The following TMTC1 variants were observed in gnomAD, a reference collection of about 807,000 sequenced individuals.
TMTC1 encodes the protein protein O-mannosyl-transferase TMTC1.
Under a neutral mutation model 104.8 loss-of-function variants are expected in TMTC1, and 73 were observed. That is an observed-to-expected ratio of 0.70 (90% CI 0.58 to 0.85). The LOEUF is 0.85. TMTC1 is among the 40% of genes least tolerant of loss of function. The probability of loss-of-function intolerance (pLI) is 0.00; values close to 1 mark genes in which losing one functional copy is unlikely to be tolerated. For missense variants in TMTC1, 1,035 were observed against 1,096.1 expected (o/e 0.94, Z 0.79); for synonymous variants, 434 against 428.7 (o/e 1.01, Z -0.15).
intron 11 of TMTC1, among the ~76,000 whole-genome samples, chr12:29,525,655 T>C (rs1389597363): frequency 1.3e-5 from 2 of 152,028 alleles, no homozygotes; most frequent in Non-Finnish European, 2.9e-5. Context: ...CATTTAGTCA[T>C]ATCAGAGTTT....
chr12:29,621,597 G>A (rs1038540744), intron 6 of TMTC1, among the ~76,000 whole-genome samples: 1 of 152,196 alleles, frequency 6.6e-6, no homozygotes, highest in Non-Finnish European at 1.5e-5. Flanking sequence ...ATGAGGTGAG[G>A]ATGCCAATAT....
chr12:29,764,658 G>A (rs1286920742), intron 2 of TMTC1, among the ~76,000 whole-genome samples: 1 of 151,830 alleles, frequency 6.6e-6, no homozygotes, highest in Non-Finnish European at 1.5e-5. Context: ...AAATTGTTTT[G>A]TAGGCTAAAT....
intron 5 of TMTC1, among the ~76,000 whole-genome samples, chr12:29,740,977 CA>C (rs1482175169): frequency 1.3e-5 from 2 of 152,110 alleles, no homozygotes; most frequent in African/African-American, 4.8e-5. Context: ...ATTGTTTAAA[CA>C]AACTTTTAAA....
At chr12:29,769,100 G>A (rs887448663) in intron 1 of TMTC1, among the ~76,000 whole-genome samples, 4 of 152,026 alleles carry the variant, frequency 2.6e-5, no homozygotes, top group African/African-American at 9.7e-5. Context: ...GCTCTTCTTT[G>A]CCAAAACAAC....
intron 4 of TMTC1, among the ~76,000 whole-genome samples, chr12:29,752,957 A>T (rs1472791798): frequency 6.6e-6 from 1 of 152,224 alleles, no homozygotes; most frequent in Non-Finnish European, 1.5e-5. Context: ...TAAAAAAGAA[A>T]GATAATTTTC....
rs371107912 is a variant in TMTC1 at position 29,644,111 on chromosome 12, ATGTGTGTGTGTGTG to A, written c.939-10789_939-10776del. The stretch of plus-strand genomic sequence containing the variant: ...TATAAATATAAATATATAAATATAT[ATGTGTGTGTGTGTG>A]TGTGTGTGTGTGTGTGTGTGTGTGT... On this transcript the variant is annotated intron_variant, in intron 5 of 17. Transcript: ENST00000539277. 1.8e-3 allele frequency among the ~76,000 whole-genome samples: 134 copies of A among 74,434 alleles called. 6 individuals are homozygous for A. Among genetic ancestry groups the A allele is most frequent in the East Asian group, 0.018 (60 of 3,370 alleles). The allele number at this position is 74,434 out of a possible 152,430, so 48.8% of individuals were successfully genotyped here.
upstream of TMTC1, chr12:29,783,948 T>TC (rs1809198873): frequency 1.5e-5 from 4 of 272,292 alleles, no homozygotes; most frequent in Admixed American, 1.8e-4. The surrounding 1 kb of genome is among the most constrained non-coding windows in gnomAD (Gnocchi z 4.7). Flanking sequence ...TAAACAGCAG[T>TC]CCCCCCGCCT....
rs900248588 is a variant in TMTC1 at position 29,596,956 on chromosome 12, T to C, written c.1250+7222A>G. On this transcript the variant is annotated intron_variant, in intron 7 of 17. Transcript: ENST00000539277. The stretch of plus-strand genomic sequence containing the variant: ...CACTCACCCTCTGGGACAGTCTGAC[T>C]GTGGTCTGAGGCCCCTGCTTAGATA... 3.3e-5 allele frequency among the ~76,000 whole-genome samples: 5 copies of C among 152,228 alleles called. No homozygotes were observed. In the East Asian group the frequency reaches 9.6e-4, roughly 29 times the overall value.
chr12:29,670,108 T>C (rs1268612313), intron 5 of TMTC1, among the ~76,000 whole-genome samples: 1 of 152,254 alleles, frequency 6.6e-6, no homozygotes, highest in Non-Finnish European at 1.5e-5. Context: ...TACACATTTG[T>C]GTAAGTGCAC....
At chr12:29,660,637 G>A (rs932334944) in intron 5 of TMTC1, among the ~76,000 whole-genome samples, 3 of 152,044 alleles carry the variant, frequency 2.0e-5, no homozygotes, top group Non-Finnish European at 4.4e-5. Context: ...ACCTTTGGAC[G>A]CTTTGTAACA....
chr12:29,517,726 T>C (rs1944029084), intron 13 of TMTC1, among the ~76,000 whole-genome samples, 155 bp from the exon 14 acceptor site: 1 of 151,996 alleles, frequency 6.6e-6, no homozygotes, highest in Non-Finnish European at 1.5e-5. Flanking sequence ...GGCTTTTTCT[T>C]TTTTTTTGAG....
intron 5 of TMTC1, among the ~76,000 whole-genome samples, chr12:29,666,465 C>T (rs998896700): frequency 6.6e-6 from 1 of 151,864 alleles, no homozygotes; most frequent in African/African-American, 2.4e-5. Context: ...GATCTCCTGA[C>T]CTCGTGATCC....
At chr12:29,748,086 T>C (rs1411547136) in intron 5 of TMTC1, among the ~76,000 whole-genome samples, 1 of 152,186 alleles carries the variant, frequency 6.6e-6, no homozygotes, top group Non-Finnish European at 1.5e-5. Context: ...TTTTGTTTTT[T>C]GTTTTCCAAA....
At chr12:29,558,706 T>C (rs1945307040) in intron 9 of TMTC1, among the ~76,000 whole-genome samples, 1 of 152,206 alleles carries the variant, frequency 6.6e-6, no homozygotes. Context: ...CGCGCTGTTG[T>C]TTGCTTCTCT....
intron 5 of TMTC1, among the ~76,000 whole-genome samples, chr12:29,745,633 A>AG (rs1942935639): frequency 6.6e-6 from 1 of 151,586 alleles, no homozygotes; most frequent in Non-Finnish European, 1.5e-5. Context: ...AAAAAAAAAA[A>AG]AAAAAAGAAA....
chr12:29,630,987 T>C (rs1938266487), intron 6 of TMTC1, among the ~76,000 whole-genome samples: 1 of 152,248 alleles, frequency 6.6e-6, no homozygotes, highest in Non-Finnish European at 1.5e-5. Context: ...GTGGATTTAA[T>C]TTGAAGTTCT....
At chr12:29,654,784 G>C (rs1348270457) in intron 5 of TMTC1, among the ~76,000 whole-genome samples, 1 of 151,902 alleles carries the variant, frequency 6.6e-6, no homozygotes, top group East Asian at 1.9e-4. Flanking sequence ...GAATAAAAAG[G>C]AATCAAGTAT....
intron 5 of TMTC1, among the ~76,000 whole-genome samples, chr12:29,638,900 T>A (rs893429927): frequency 6.6e-6 from 1 of 152,194 alleles, no homozygotes; most frequent in Non-Finnish European, 1.5e-5. Flanking sequence ...TGAATTACCA[T>A]TGATGTTTCA....
chr12:29,516,016 T>G (rs1370227785), intron 15 of TMTC1, among the ~76,000 whole-genome samples: 2 of 151,508 alleles, frequency 1.3e-5, no homozygotes, highest in Non-Finnish European at 1.5e-5. Flanking sequence ...ATGGTTGTTA[T>G]GAGGATTACA....
Sources: gnomAD v4.1 joint callset for allele counts (sites outside exome capture counted in the v4.1 genomes callset) on GRCh38, gnomAD v4.1.1 for gene constraint, Gnocchi (gnomAD v3.1) non-coding constraint, MANE v1.5 for transcripts, NCBI Gene and HGNC (gene_info 2026-07-23, HGNC 2026-07-21) for gene names.